TENM2: variants seen among roughly 807,000 people sequenced by gnomAD.
The protein encoded by TENM2 is teneurin transmembrane protein 2.
Under a neutral mutation model 245.2 loss-of-function variants are expected in TENM2, and 52 were observed. The ratio of observed to expected loss-of-function variants is 0.21; its 90% CI spans 0.17 to 0.27. The LOEUF is 0.27. Ranked by LOEUF, TENM2 falls within the 10% of genes least tolerant of loss-of-function variation. The pLI is 1.00. For synonymous variants in TENM2, 1,363 were observed against 1,438.9 expected (o/e 0.95, Z 1.19); for missense variants, 3,046 against 3,666.8 (o/e 0.83, Z 4.37).
intron 12 of TENM2, among the ~76,000 whole-genome samples, chr5:168,135,269 T>TTATC (rs1284345359): frequency 4.6e-5 from 7 of 151,782 alleles, no homozygotes; most frequent in Admixed American, 6.5e-5. Flanking sequence ...ATCTCCTGGG[T>TTATC]TATCTGCAGC....
At chr5:167,699,920 A>G (rs189427407) in intron 2 of TENM2, among the ~76,000 whole-genome samples, 20 of 152,336 alleles carry the variant, frequency 1.3e-4, no homozygotes, top group Admixed American at 1.1e-3. Flanking sequence ...ACTTGGAAAA[A>G]TCACATAGCT....
chr5:167,115,047 C>T, the TENM2 span, among the ~76,000 whole-genome samples: 1 of 152,214 alleles, frequency 6.6e-6, no homozygotes, highest in Non-Finnish European at 1.5e-5. Context: ...AAAACAAAGT[C>T]ATCCCTGCTA....
the TENM2 span, among the ~76,000 whole-genome samples, chr5:167,016,157 C>G: frequency 3.3e-5 from 5 of 150,916 alleles, no homozygotes; most frequent in Non-Finnish European, 5.9e-5. Context: ...GGGAGGCTGA[C>G]ACAGGAGAAT....
intron 2 of TENM2, among the ~76,000 whole-genome samples, chr5:167,383,002 T>A (rs9313374): frequency 0.64 from 96,837 of 151,782 alleles, 33,186 homozygotes; most frequent in African/African-American, 0.91. Flanking sequence ...AGATGAAGAG[T>A]TGTGTTAATT....
At chr5:167,919,970 GAAGT>G (rs1194977323) in intron 3 of TENM2, among the ~76,000 whole-genome samples, 1 of 152,168 alleles carries the variant, frequency 6.6e-6, no homozygotes, top group Non-Finnish European at 1.5e-5. Context: ...AAGTGTGGTA[GAAGT>G]AAGAGGACTC....
At chr5:167,659,096 C>T (rs1252010024) in intron 2 of TENM2, among the ~76,000 whole-genome samples, 2 of 152,138 alleles carry the variant, frequency 1.3e-5, no homozygotes, top group Non-Finnish European at 2.9e-5. Context: ...TATTTCCAAC[C>T]ACAAAATACT....
chr5:167,479,976 G>A (rs1165159441), intron 2 of TENM2, among the ~76,000 whole-genome samples: 9 of 152,208 alleles, frequency 5.9e-5, no homozygotes, highest in Non-Finnish European at 1.5e-5. Context: ...CAACCCGTCT[G>A]GGAATGGTCC....
intron 2 of TENM2, among the ~76,000 whole-genome samples, chr5:167,682,758 A>G (rs1756818996): frequency 6.6e-6 from 1 of 151,780 alleles, no homozygotes; most frequent in Admixed American, 6.6e-5. Flanking sequence ...GGGATTAGAG[A>G]CTCCCAACTT....
At chr5:167,557,673 G>A (rs6892048) in intron 2 of TENM2, among the ~76,000 whole-genome samples, 1 of 152,142 alleles carries the variant, frequency 6.6e-6, no homozygotes, top group Admixed American at 6.5e-5. Context: ...ATACCCAGTA[G>A]GGGGGTGATT....
chr5:168,048,562 G>T (rs538466914), intron 6 of TENM2, among the ~76,000 whole-genome samples: 3 of 152,152 alleles, frequency 2.0e-5, no homozygotes, highest in African/African-American at 7.2e-5. Context: ...GGACCAGAAG[G>T]TATAGAAACT....
At chr5:167,859,640 G>T (rs1452627105) in intron 2 of TENM2, among the ~76,000 whole-genome samples, 1 of 114,152 alleles carries the variant, frequency 8.8e-6, no homozygotes, top group Non-Finnish European at 1.8e-5. Flanking sequence ...CAGCCGCCCC[G>T]TCTGGGAGGT....
chr5:167,690,002 T>C (rs1338918545), intron 2 of TENM2, among the ~76,000 whole-genome samples: 2 of 152,106 alleles, frequency 1.3e-5, no homozygotes, highest in African/African-American at 4.8e-5. Context: ...GTTCTTTTGG[T>C]TTGCCATAAT....
At chr5:168,140,866 G>T (rs1382633788) in intron 12 of TENM2, among the ~76,000 whole-genome samples, 1 of 152,162 alleles carries the variant, frequency 6.6e-6, no homozygotes, top group Admixed American at 6.5e-5. Flanking sequence ...CAGGTTCATA[G>T]GAGTGGCCAT....
intron 2 of TENM2, among the ~76,000 whole-genome samples, chr5:167,513,199 C>G (rs1770086937): frequency 6.6e-6 from 1 of 152,118 alleles, no homozygotes; most frequent in African/African-American, 2.4e-5. Flanking sequence ...TCTCTTTTAT[C>G]TTCCTTAGTA....
intron 2 of TENM2, among the ~76,000 whole-genome samples, chr5:167,713,559 C>T (rs908346378): frequency 4.6e-5 from 7 of 151,660 alleles, no homozygotes; most frequent in Admixed American, 2.0e-4. Context: ...ATCAGGCATG[C>T]GCACACCCCC....
chr5:167,381,416 A>G (rs1030997600), intron 2 of TENM2, among the ~76,000 whole-genome samples: 11 of 152,202 alleles, frequency 7.2e-5, no homozygotes, highest in Admixed American at 6.5e-4. Context: ...AGAAGTTACC[A>G]ACTGCATGTT....
intron 2 of TENM2, among the ~76,000 whole-genome samples, chr5:167,784,006 C>A (rs866862991): frequency 2.0e-5 from 3 of 152,060 alleles, no homozygotes; most frequent in South Asian, 4.1e-4. Context: ...AGTCACTGAG[C>A]CAAGCAGGAG....
At position 168,229,593 on chromosome 5, in the gene TENM2, C is replaced by CAAAG. The variant is rs1554227998; in HGVS notation, c.5520+1469_5520+1472dup. ...ACTAGGAAGTCAGTAAACAATGGAA[C>CAAAG]AAAGAAAGAGTTTATCAAATGCTTT... is the stretch of plus-strand genomic sequence containing the variant. On this transcript the variant is annotated intron_variant, in intron 25 of 28. Transcript: ENST00000518659. The CAAAG allele has an allele frequency of 9.5e-4, 143 of 151,074 alleles. 1 individual carries two copies. The highest frequency in any genetic ancestry group is 3.1e-3 in the Admixed American group (47 of 15,276). 9.4% of individuals were successfully genotyped at this position (151,074 alleles called of 1,614,324 possible).
intron 9 of TENM2, among the ~76,000 whole-genome samples, chr5:168,103,655 C>T (rs968006699): frequency 6.6e-6 from 1 of 152,132 alleles, no homozygotes; most frequent in Non-Finnish European, 1.5e-5. Context: ...ATCAGAGATG[C>T]ACTTCTGATT....
Sources: allele counts gnomAD v4.1 joint callset (sites outside exome capture counted in the v4.1 genomes callset), GRCh38; gene constraint gnomAD v4.1.1; transcripts MANE v1.5; gene names NCBI Gene and HGNC (gene_info 2026-07-23, HGNC 2026-07-21).